SLC4A1AP: variants seen among roughly 807,000 people sequenced by gnomAD.
The protein encoded by SLC4A1AP is kanadaptin.
Under a neutral mutation model 89.7 loss-of-function variants are expected in SLC4A1AP, and 64 were observed. The observed-to-expected ratio is 0.71, with a 90% CI of 0.58 to 0.88. The LOEUF is 0.88. Among genes scored for constraint, SLC4A1AP ranks in the 40% least tolerant of loss-of-function variants. The probability of loss-of-function intolerance (pLI) is 0.00; values close to 1 mark genes in which losing one functional copy is unlikely to be tolerated. For synonymous variants in SLC4A1AP, 366 were observed against 353.3 expected (o/e 1.04, Z -0.40); for missense variants, 931 against 965.0 (o/e 0.96, Z 0.47).
rs775515715 is a variant in SLC4A1AP, at chr2:27,664,128, G to C, written c.376G>C (p.Gly126Arg). The change falls in exon 1 of 14, where the codon GGT (glycine) becomes CGT (arginine). Residue 126 changes from glycine to arginine, a missense_variant. Transcript: ENST00000613058. ...CATCCCTCCTCCTCAGCCGGACTGC[G>C]GTGATTTTAGGAGTCTACAGGAGGA... The C allele has an allele frequency of 2.2e-5, 36 of 1,614,078 alleles. No homozygotes were observed. In the Admixed American group the frequency reaches 5.8e-4, roughly 26 times the overall value.
intron 2 of SLC4A1AP, 105 bp downstream of exon 2, chr2:27,665,400 T>G: frequency 1.1e-6 from 1 of 939,382 alleles, no homozygotes; most frequent in Non-Finnish European, 1.5e-6. Flanking sequence ...CTCCTTGAGA[T>G]AGATAGGGCA....
chr2:27,669,354 C>A, exon 5 of SLC4A1AP: 1 of 1,612,742 alleles, frequency 6.2e-7, no homozygotes, highest in Non-Finnish European at 8.5e-7. Flanking sequence ...TTGTCGGATT[C>A]TTGACACTTT....
chr2:27,668,244 A>T (rs1675365542), intron 3 of SLC4A1AP, among the ~76,000 whole-genome samples: 1 of 147,258 alleles, frequency 6.8e-6, no homozygotes, highest in East Asian at 2.0e-4. Flanking sequence ...CGCCTTCCGG[A>T]TTCACGCCAT....
At chr2:27,664,903 TA>T (rs60597294) in intron 1 of SLC4A1AP, among the ~76,000 whole-genome samples, 196 bp from the exon 2 acceptor site, 1,952 of 138,750 alleles carry the variant, frequency 0.014, 4 homozygotes, top group African/African-American at 0.02. Context: ...CCCTGTCTCT[TA>T]AAAAAAAAAA....
At chr2:27,679,340 C>T (rs1280307971) in intron 8 of SLC4A1AP, among the ~76,000 whole-genome samples, 4 of 152,190 alleles carry the variant, frequency 2.6e-5, no homozygotes, top group South Asian at 2.1e-4. Context: ...CTGCGGCTTA[C>T]GCCTGTAATC....
chr2:27,675,540 A>G (rs755031333), exon 6 of SLC4A1AP: 3 of 1,575,058 alleles, frequency 1.9e-6, no homozygotes. Flanking sequence ...AGTATCTCGG[A>G]AAAGGAAAGC....
intron 9 of SLC4A1AP, among the ~76,000 whole-genome samples, chr2:27,682,922 G>A (rs1675643911): frequency 6.6e-6 from 1 of 152,178 alleles, no homozygotes; most frequent in Admixed American, 6.5e-5. Flanking sequence ...TAGAATCATA[G>A]TTTATTAATT....
intron 8 of SLC4A1AP, among the ~76,000 whole-genome samples, chr2:27,680,300 T>A (rs143561258): frequency 3.8e-3 from 577 of 152,258 alleles, no homozygotes; most frequent in African/African-American, 0.013. Context: ...GCTTTATACT[T>A]GAGTTTTGAA....
chr2:27,693,576 T>C, intron 12 of SLC4A1AP, 109 bp from the exon 13 acceptor site: 2 of 729,848 alleles, frequency 2.7e-6, no homozygotes, highest in Non-Finnish European at 4.5e-6. Context: ...TCTTGACTAA[T>C]GTTTATTCTG....
At chr2:27,665,471 A>T (rs1220824617) in intron 2 of SLC4A1AP, among the ~76,000 whole-genome samples, 176 bp downstream of exon 2, 1 of 152,242 alleles carries the variant, frequency 6.6e-6, no homozygotes, top group Non-Finnish European at 1.5e-5. Context: ...TACTGTTGTA[A>T]AGAAATTGAC....
chr2:27,667,337 C>T (rs778377043), exon 3 of SLC4A1AP: 1 of 1,613,458 alleles, frequency 6.2e-7, no homozygotes, highest in Non-Finnish European at 8.5e-7. Flanking sequence ...GAAAGGGAGG[C>T]CTTTTATATA....
chr2:27,693,777 TC>T (rs1675829030), intron 13 of SLC4A1AP, 23 bp downstream of exon 13: 1 of 1,563,282 alleles, frequency 6.4e-7, no homozygotes, highest in Non-Finnish European at 8.7e-7. Flanking sequence ...TACTTTTTTT[TC>T]CTCTAAGGTT....
intron 2 of SLC4A1AP, among the ~76,000 whole-genome samples, chr2:27,665,580 T>A (rs1019478081): frequency 6.6e-6 from 1 of 152,218 alleles, no homozygotes; most frequent in African/African-American, 2.4e-5. Context: ...AATTCTAAAA[T>A]TTTATATTTA....
chr2:27,667,205 G>C lies in SLC4A1AP; in HGVS notation c.1022-63G>C, dbSNP rs906076315. On this transcript the variant is annotated intron_variant, in intron 2 of 13. Transcript: ENST00000613058. ...TTTATGCAGCCTGAGAGAATAGTGG[G>C]TATCATTCAAATAGTCTCTTCTCAT... 10 of 1,517,068 alleles carry C rather than the reference G, an allele frequency of 6.6e-6. No homozygotes were observed. In the African/African-American group the frequency reaches 1.3e-4, roughly 19 times the overall value. 94.0% of individuals were successfully genotyped at this position (1,517,068 alleles called of 1,614,324 possible). A position where few individuals can be genotyped will look rare whatever the true frequency, so the allele number is the denominator to read the frequency against.
At position 27,664,575 on chromosome 2, in the gene SLC4A1AP, C is replaced by CAGGT; in HGVS notation, c.825+5_825+8dup. 6.2e-7 allele frequency: 1 copy of CAGGT among 1,602,176 alleles called. No individual in the cohort carries two copies. Among genetic ancestry groups the CAGGT allele is most frequent in the Non-Finnish European group, 8.5e-7 (1 of 1,172,522 alleles). On this transcript the variant is annotated frameshift_variant and splice_region_variant, in exon 1 of 14. Coordinates refer to ENST00000613058, the Ensembl canonical transcript of SLC4A1AP. LOFTEE classifies it high-confidence loss of function. ...AGGCAGCACCCGGCTCTTTATCCTG[C>CAGGT]AGGTAGGTAGAAAAACCTAGAATTG...
chr2:27,671,067 G>GT (rs776804193), intron 5 of SLC4A1AP, among the ~76,000 whole-genome samples: 4 of 151,598 alleles, frequency 2.6e-5, no homozygotes, highest in African/African-American at 9.7e-5. Flanking sequence ...GGGACTATAG[G>GT]TGCGTGCTCC....
chr2:27,677,014 C>G (rs954486952), intron 6 of SLC4A1AP, among the ~76,000 whole-genome samples: 2 of 151,884 alleles, frequency 1.3e-5, no homozygotes, highest in African/African-American at 4.8e-5. Context: ...TGGTGCACAC[C>G]TGTAGTCCCA....
At position 27,694,503 on chromosome 2, in the gene SLC4A1AP, AAG is replaced by A. The variant is rs1255271157; in HGVS notation, c.2342-130_2342-129del. 5.6e-6 allele frequency: 3 copies of A among 532,384 alleles called. No homozygotes were observed. In the African/African-American group the frequency reaches 5.9e-5, roughly 10 times the overall value. The allele number at this position is 532,384 out of a possible 1,614,324, so 33.0% of individuals were successfully genotyped here. ...GCTGTATTTTGAAATTTCATACAAA[AAG>A]TAAAATTTCTACCGTAGAATAAACC... is the stretch of plus-strand genomic sequence containing the variant. On this transcript the variant is annotated intron_variant, in intron 13 of 13. Coordinates refer to ENST00000613058, the Ensembl canonical transcript of SLC4A1AP.
intron 5 of SLC4A1AP, among the ~76,000 whole-genome samples, chr2:27,673,400 TTCCCTCCCTCCCTCCCTCCCTCCCTCCC>T (rs779737001): frequency 9.5e-5 from 3 of 31,716 alleles, no homozygotes; most frequent in South Asian, 2.6e-3. Context: ...TTCCCTTACT[TTCCCTCCCTCCCTCCCTCCCTCCCTCCC>T]TCCCTCCCTC....
Sources: gnomAD v4.1 joint callset for allele counts (sites outside exome capture counted in the v4.1 genomes callset) on GRCh38, gnomAD v4.1.1 for gene constraint, MANE v1.5 for transcripts, NCBI Gene and HGNC (gene_info 2026-07-23, HGNC 2026-07-21) for gene names.